The following CD96 variants were observed in gnomAD, a reference collection of about 807,000 sequenced individuals.
The protein encoded by CD96 is CD96 molecule.
CD96 carries 70 observed loss-of-function variants against 71.3 expected under a neutral mutation model. The ratio of observed to expected loss-of-function variants is 0.98; its 90% CI spans 0.81 to 1.20. The LOEUF is 1.20. Among genes scored for constraint, CD96 ranks in the 50% most tolerant of loss-of-function variants. The probability of loss-of-function intolerance (pLI) is 0.00; values close to 1 mark genes in which losing one functional copy is unlikely to be tolerated. For synonymous variants in CD96, 248 were observed against 233.0 expected, an observed-to-expected ratio of 1.06 and a Z score of -0.59; for missense variants, 742 against 677.5, an observed-to-expected ratio of 1.10 and a Z score of -1.06.
At chr3:111,587,210 A>G (rs1034118605) in intron 5 of CD96, among the ~76,000 whole-genome samples, 1 of 152,208 alleles carries the variant, frequency 6.6e-6, no homozygotes, top group East Asian at 1.9e-4. Flanking sequence ...GTGGGTTCCC[A>G]TAGTCTTAGG....
intron 14 of CD96, among the ~76,000 whole-genome samples, chr3:111,664,532 A>G (rs1424485889): frequency 1.3e-5 from 2 of 152,234 alleles, no homozygotes; most frequent in Non-Finnish European, 2.9e-5. Context: ...GGAGGAAGGC[A>G]TGGGTTGAAA....
intron 2 of CD96, among the ~76,000 whole-genome samples, chr3:111,557,538 G>C (rs1935131208): frequency 7.8e-6 from 1 of 128,346 alleles, no homozygotes; most frequent in South Asian, 2.7e-4. Flanking sequence ...TTAATTCTGA[G>C]GGCTCTGTTC....
At chr3:111,570,272 T>C (rs1935915497) in intron 3 of CD96, among the ~76,000 whole-genome samples, 1 of 152,030 alleles carries the variant, frequency 6.6e-6, no homozygotes, top group Non-Finnish European at 1.5e-5. Flanking sequence ...ATTTACTACC[T>C]GAAGACAAAT....
rs557328696 is a variant in CD96 at position 111,610,404 on chromosome 3, G to C, written c.1180+3612G>C. On this transcript the variant is annotated intron_variant, in intron 8 of 13. Coordinates refer to ENST00000352690, the MANE Select transcript of CD96 (RefSeq NM_005816.5). ...TATGTCACGGAAACCAACTTCAAAGGCTGTGGTTTCATTCCGAATTCTAAG... is the reference window on the plus strand; with the variant it reads ...TATGTCACGGAAACCAACTTCAAAGCCTGTGGTTTCATTCCGAATTCTAAG... Among the ~76,000 whole-genome samples, 11 of 152,310 alleles carry C rather than the reference G, an allele frequency of 7.2e-5. 1 individual carries two copies. The highest frequency in any genetic ancestry group is 2.4e-4 in the African/African-American group (10 of 41,566).
At chr3:111,659,217 C>T (rs1317456417) in intron 14 of CD96, among the ~76,000 whole-genome samples, 2 of 152,062 alleles carry the variant, frequency 1.3e-5, no homozygotes, top group African/African-American at 4.8e-5. Context: ...TACGTGGGAT[C>T]AGTTGTAATA....
At chr3:111,589,904 G>A (rs758211358) in intron 5 of CD96, among the ~76,000 whole-genome samples, 4 of 152,118 alleles carry the variant, frequency 2.6e-5, no homozygotes, top group Admixed American at 6.5e-5. Context: ...TAACCTCCAC[G>A]AGCCTCAGCT....
downstream of CD96, among the ~76,000 whole-genome samples, chr3:111,656,647 T>G (rs1303040134): frequency 6.6e-6 from 1 of 151,998 alleles, no homozygotes; most frequent in Non-Finnish European, 1.5e-5. Flanking sequence ...ATGTAGTAAA[T>G]ACACAAAATA....
intron 2 of CD96, among the ~76,000 whole-genome samples, chr3:111,561,064 T>C (rs201425221): frequency 0.011 from 1,273 of 115,738 alleles, no homozygotes; most frequent in African/African-American, 0.014. Flanking sequence ...CTCCATCAGC[T>C]CCTTTAAGCA....
intron 2 of CD96, among the ~76,000 whole-genome samples, chr3:111,554,072 A>G (rs779727536): frequency 3.3e-5 from 5 of 152,010 alleles, no homozygotes; most frequent in Admixed American, 2.0e-4. Context: ...ATTCACTCAT[A>G]ATTTCTGATA....
chr3:111,544,600 A>G (rs1244152299), intron 1 of CD96, among the ~76,000 whole-genome samples: 1 of 152,210 alleles, frequency 6.6e-6, no homozygotes, highest in Non-Finnish European at 1.5e-5. Context: ...AGAAATTGCT[A>G]TACACATATC....
At chr3:111,593,546 TA>T (rs766274839) in intron 5 of CD96, 1 of 1,513,142 alleles carries the variant, frequency 6.6e-7, no homozygotes, top group African/African-American at 1.4e-5. Flanking sequence ...AAGCCCAATT[TA>T]AACAAAATGG....
intron 3 of CD96, among the ~76,000 whole-genome samples, chr3:111,573,315 G>C (rs974042273): frequency 4.6e-5 from 7 of 152,046 alleles, no homozygotes; most frequent in Non-Finnish European, 1.0e-4. Flanking sequence ...AATCTGTTTT[G>C]AGCACTAAGT....
At chr3:111,629,694 A>C (rs1343319900) in intron 10 of CD96, among the ~76,000 whole-genome samples, 1 of 152,118 alleles carries the variant, frequency 6.6e-6, no homozygotes, top group Non-Finnish European at 1.5e-5. Context: ...CTCTTTACCC[A>C]AAAACAACAG....
At chr3:111,647,516 G>A (rs1939887330) in intron 12 of CD96, 27 bp from the exon 13 acceptor site, 2 of 1,609,066 alleles carry the variant, frequency 1.2e-6, no homozygotes, top group Non-Finnish European at 1.7e-6. Context: ...TGGGATTAAA[G>A]TTCATCTTTC....
At chr3:111,570,743 T>G in intron 3 of CD96, 3 of 1,613,376 alleles carry the variant, frequency 1.9e-6, no homozygotes, top group Non-Finnish European at 1.7e-6. Flanking sequence ...CCAGATACTC[T>G]TCCTCCTCCT....
intron 14 of CD96, chr3:111,665,490 T>A (rs1940460549): frequency 6.6e-6 from 1 of 152,172 alleles, no homozygotes; most frequent in Admixed American, 6.5e-5. Context: ...ATAAGTTCGC[T>A]GTTTTTATAT....
chr3:111,665,129 G>C (rs989515543), intron 14 of CD96, among the ~76,000 whole-genome samples: 1 of 151,982 alleles, frequency 6.6e-6, no homozygotes. Flanking sequence ...CAAAGTAAAG[G>C]GGGTAAATTG....
At chr3:111,614,213 G>A (rs978445542) in intron 8 of CD96, among the ~76,000 whole-genome samples, 4 of 152,142 alleles carry the variant, frequency 2.6e-5, no homozygotes, top group East Asian at 1.9e-4. Context: ...ACTTGGAAAC[G>A]CTGGGATATG....
At chr3:111,664,184 T>C (rs1940425880) in intron 14 of CD96, among the ~76,000 whole-genome samples, 2 of 75,352 alleles carry the variant, frequency 2.7e-5, no homozygotes, top group Non-Finnish European at 5.8e-5. Flanking sequence ...GGAAAATAAA[T>C]TATACTACCA....
Sources: allele counts gnomAD v4.1 joint callset (sites outside exome capture counted in the v4.1 genomes callset), GRCh38; gene constraint gnomAD v4.1.1; transcripts MANE v1.5; gene names NCBI Gene and HGNC (gene_info 2026-07-23, HGNC 2026-07-21).